TMEM87B: variants seen among roughly 807,000 people sequenced by gnomAD.
TMEM87B encodes the protein transmembrane protein 87B.
In TMEM87B, 83 loss-of-function variants were observed where a neutral mutation model predicts 80.3. The ratio of observed to expected loss-of-function variants is 1.03; its 90% CI spans 0.87 to 1.24. TMEM87B has a LOEUF of 1.24. Ranked by LOEUF, TMEM87B falls within the 50% of genes most tolerant of loss-of-function variation. TMEM87B has a pLI of 0.00. For missense variants in TMEM87B, 625 were observed against 674.4 expected (o/e 0.93, Z 0.81); for synonymous variants, 219 against 230.5 (o/e 0.95, Z 0.45).
At chr2:112,060,394 CAACAT>C (rs1036535977) in intron 2 of TMEM87B, among the ~76,000 whole-genome samples, 2 of 151,976 alleles carry the variant, frequency 1.3e-5, no homozygotes, top group African/African-American at 4.8e-5. Flanking sequence ...TATATATAAA[CAACAT>C]AATATAAACA....
chr2:112,055,296 C>T lies in TMEM87B; in HGVS notation c.-296C>T. On this transcript the variant is annotated 5_prime_UTR_variant, in exon 1 of 19. Transcript: ENST00000283206. ...CTTCACGCCCACGCTAGGCCCTGAGCCCAGCCTCCACGTCTCGCCGCCAAC... is the reference window on the plus strand; with the variant it reads ...CTTCACGCCCACGCTAGGCCCTGAGTCCAGCCTCCACGTCTCGCCGCCAAC... The T allele has an allele frequency of 2.2e-6, 1 of 453,952 alleles. No homozygotes were observed. The allele number at this position is 453,952 out of a possible 1,614,324, so 28.1% of individuals were successfully genotyped here.
intron 18 of TMEM87B, among the ~76,000 whole-genome samples, chr2:112,113,662 C>T (rs1164435679): frequency 6.6e-6 from 1 of 151,148 alleles, no homozygotes; most frequent in Admixed American, 6.6e-5. Context: ...ATTCATAACT[C>T]TACAGAAAGA....
At chr2:112,067,932 G>T (rs531418637) in intron 4 of TMEM87B, among the ~76,000 whole-genome samples, 2 of 152,318 alleles carry the variant, frequency 1.3e-5, no homozygotes, top group African/African-American at 4.8e-5. Flanking sequence ...AACAGCAGTT[G>T]GCTGGGCGTG....
At chr2:112,097,605 G>A (rs1244124247) in intron 13 of TMEM87B, among the ~76,000 whole-genome samples, 3 of 150,966 alleles carry the variant, frequency 2.0e-5, no homozygotes, top group Non-Finnish European at 4.4e-5. Context: ...CCCAGCTACT[G>A]GGGAGGCTGA....
At chr2:112,087,285 G>T (rs936176199) in intron 9 of TMEM87B, among the ~76,000 whole-genome samples, 1 of 152,048 alleles carries the variant, frequency 6.6e-6, no homozygotes, top group African/African-American at 2.4e-5. Context: ...CACACTGAGG[G>T]GGCCTACTTG....
chr2:112,084,149 A>C (rs1173946445), intron 8 of TMEM87B, among the ~76,000 whole-genome samples: 1 of 152,194 alleles, frequency 6.6e-6, no homozygotes, highest in Admixed American at 6.5e-5. Flanking sequence ...GAAAGTTGAG[A>C]ATCTTGCTGT....
chr2:112,076,878 G>C (rs1456674016), intron 5 of TMEM87B, among the ~76,000 whole-genome samples: 2 of 147,440 alleles, frequency 1.4e-5, no homozygotes, highest in African/African-American at 5.0e-5. Context: ...GTGTGTGTGT[G>C]TGTGTGTGTG....
intron 4 of TMEM87B, among the ~76,000 whole-genome samples, chr2:112,068,044 C>G (rs1489987878): frequency 6.6e-6 from 1 of 152,130 alleles, no homozygotes; most frequent in African/African-American, 2.4e-5. Context: ...GAAACCCCAT[C>G]TCTACTTAAA....
At chr2:112,100,597 A>C in intron 14 of TMEM87B, 25 bp from the exon 15 acceptor site, 2 of 1,532,106 alleles carry the variant, frequency 1.3e-6, no homozygotes, top group Non-Finnish European at 1.8e-6. Flanking sequence ...CATACTAGTA[A>C]AACTACTCCT....
intron 15 of TMEM87B, among the ~76,000 whole-genome samples, chr2:112,101,210 G>C (rs1170254405): frequency 6.6e-6 from 1 of 152,070 alleles, no homozygotes; most frequent in Non-Finnish European, 1.5e-5. Flanking sequence ...CAGATGTTGA[G>C]GGTAATTTTA....
In TMEM87B at chr2:112,060,027, C is replaced by A. The variant is rs777590869; in HGVS notation, c.216C>A (p.Ile72=). Reference sequence around the variant, plus strand: ...AAACTATGTTTAACTCTACAGATATCAAGTTATCTGGTAAGTATAATAAAA... The same window carrying A: ...AAACTATGTTTAACTCTACAGATATAAAGTTATCTGGTAAGTATAATAAAA... ...FRKTMFNSTD[I]KLSVKSFHCS... is the part of the protein sequence containing the mutation. Residue 72 remains isoleucine, a synonymous_variant, in exon 2 of 19, where the codon ATC becomes ATA. Transcript: ENST00000283206. The A allele has an allele frequency of 4.6e-5, 73 of 1,587,606 alleles. No homozygotes were observed. Among genetic ancestry groups the A allele is most frequent in the Non-Finnish European group, 6.2e-5 (72 of 1,163,062 alleles).
intron 4 of TMEM87B, among the ~76,000 whole-genome samples, chr2:112,070,298 A>G (rs1678583669): frequency 6.6e-6 from 1 of 152,148 alleles, no homozygotes; most frequent in Non-Finnish European, 1.5e-5. Flanking sequence ...TAGGGTTTTC[A>G]TAGTTTTAAG....
chr2:112,100,733 A>T, intron 15 of TMEM87B, 38 bp downstream of exon 15: 1 of 1,302,246 alleles, frequency 7.7e-7, no homozygotes, highest in East Asian at 2.4e-5. Flanking sequence ...ACCATTGTAC[A>T]TATTGCAACA....
intron 17 of TMEM87B, among the ~76,000 whole-genome samples, chr2:112,109,447 T>C (rs2104506836): frequency 6.6e-6 from 1 of 152,254 alleles, no homozygotes; most frequent in East Asian, 1.9e-4. Flanking sequence ...TTTTAAAGGA[T>C]AGTTTTGCTG....
At position 112,089,503 on chromosome 2, in the gene TMEM87B, A is replaced by G. The variant is rs555021254; in HGVS notation, c.939-122A>G. Reference sequence around the variant, plus strand: ...AAAACAAAGTACCTCAGAGCCGGGAACAGACTGATGTGATTAGATAGTGAC... The same window carrying G: ...AAAACAAAGTACCTCAGAGCCGGGAGCAGACTGATGTGATTAGATAGTGAC... On this transcript the variant is annotated intron_variant, in intron 9 of 18. Coordinates refer to ENST00000283206, the MANE Select transcript of TMEM87B (RefSeq NM_032824.3). 3.7e-5 allele frequency: 31 copies of G among 834,716 alleles called. No individual in the cohort carries two copies. The African/African-American group carries it at 4.6e-4, about 12-fold the overall frequency. The allele number at this position is 834,716 out of a possible 1,614,324, so 51.7% of individuals were successfully genotyped here.
rs776356710 is a variant in TMEM87B at position 112,086,070 on chromosome 2, G to A, written c.904G>A (p.Val302Met). 10 of 1,614,148 alleles carry A rather than the reference G, an allele frequency of 6.2e-6. No homozygotes were observed. Among genetic ancestry groups the A allele is most frequent in the African/African-American group, 2.7e-5 (2 of 75,036 alleles). Residue 302 changes from valine (V) to methionine (M), a missense_variant, in exon 9 of 19, where the codon GTG (valine) becomes ATG (methionine). By Grantham distance (21) the Val-to-Met change is conservative. Coordinates refer to ENST00000283206, the MANE Select transcript of TMEM87B (RefSeq NM_032824.3). ...AIKRTLARLL[V>M]IIVSLGYGIV... ...TAAGAGGACGTTGGCTCGCCTTCTC[G>A]TGATCATTGTGAGCCTGGGCTATGG...
chr2:112,076,950 C>G (rs1269191389), intron 5 of TMEM87B, among the ~76,000 whole-genome samples: 1 of 143,950 alleles, frequency 6.9e-6, no homozygotes, highest in African/African-American at 2.6e-5. Flanking sequence ...ATCTGTAATC[C>G]CAGCACTTTG....
chr2:112,055,834 C>T (rs1558823734), intron 1 of TMEM87B, 78 bp downstream of exon 1: 2 of 1,414,092 alleles, frequency 1.4e-6, no homozygotes, highest in African/African-American at 1.5e-5. Flanking sequence ...TGACCCCGGG[C>T]TTGTTCACCC....
intron 1 of TMEM87B, 71 bp from the exon 2 acceptor site, chr2:112,059,906 A>G (rs1234095458): frequency 7.1e-6 from 11 of 1,544,598 alleles, no homozygotes; most frequent in African/African-American, 1.4e-5. Flanking sequence ...AGAACTCTAT[A>G]TGTTGTGGGG....
Sources: gnomAD v4.1 joint callset for allele counts (sites outside exome capture counted in the v4.1 genomes callset) on GRCh38, gnomAD v4.1.1 for gene constraint, MANE v1.5 for transcripts, NCBI Gene and HGNC (gene_info 2026-07-23, HGNC 2026-07-21) for gene names.